Variants in DNAH7 observed in about 807,000 individuals in gnomAD.
The protein encoded by DNAH7 is dynein axonemal heavy chain 7.
DNAH7 carries 397 observed loss-of-function variants against 444.6 expected under a neutral mutation model. The observed-to-expected ratio is 0.89, with a 90% CI of 0.82 to 0.97. The LOEUF is 0.97. Among genes scored for constraint, DNAH7 ranks in the 50% least tolerant of loss-of-function variants. DNAH7 has a pLI of 0.00. For missense variants in DNAH7, 4,902 were observed against 4,800.8 expected, an observed-to-expected ratio of 1.02 and a Z score of -0.62; for synonymous variants, 1,636 against 1,624.4, an observed-to-expected ratio of 1.01 and a Z score of -0.17.
rs763352877 is a variant in DNAH7, at chr2:195,936,649, C to CA, written c.3221dup (p.Leu1074PhefsTer4). ...GTATCTCAAGAAGTTCATCATTGGA[C>CA]AAAAAAAAGAATCTGGGGAAAAAGA... On this transcript the variant is annotated frameshift_variant, in exon 20 of 65. Transcript: ENST00000312428. LOFTEE classifies it high-confidence loss of function. 1.2e-5 allele frequency: 19 copies of CA among 1,603,284 alleles called. No homozygotes were observed. Among genetic ancestry groups the CA allele is most frequent in the South Asian group, 7.9e-5 (7 of 88,264 alleles).
rs182503379 is a variant in DNAH7, at chr2:195,829,978, T to A, written c.9100+4228A>T. Among the ~76,000 whole-genome samples, 489 of 152,144 alleles carry A rather than the reference T, an allele frequency of 3.2e-3. 1 individual carries two copies. The highest frequency in any genetic ancestry group is 0.015 in the South Asian group (72 of 4,824). ...TAAAAATTTAAAGCATTTTGAATTT[T>A]AAAAAAAGGAAAAAATGTATAGGTA... On this transcript the variant is annotated intron_variant, in intron 48 of 64. Coordinates refer to ENST00000312428, the MANE Select transcript of DNAH7 (RefSeq NM_018897.3).
chr2:195,874,405 A>G (rs1483488392), intron 38 of DNAH7, among the ~76,000 whole-genome samples: 1 of 152,186 alleles, frequency 6.6e-6, no homozygotes, highest in African/African-American at 2.4e-5. Flanking sequence ...AATGTTCAGA[A>G]TTGTGATATT....
At chr2:195,755,737 C>G (rs1467796126) in intron 62 of DNAH7, among the ~76,000 whole-genome samples, 1 of 152,190 alleles carries the variant, frequency 6.6e-6, no homozygotes, top group Non-Finnish European at 1.5e-5. Context: ...CTCAACATTT[C>G]CAAGACAATT....
At chr2:195,880,407 C>G (rs1374596454) in intron 36 of DNAH7, among the ~76,000 whole-genome samples, 2 of 150,912 alleles carry the variant, frequency 1.3e-5, no homozygotes, top group African/African-American at 4.9e-5. Context: ...CGGCTCACTG[C>G]AAGCTCCACC....
At chr2:195,873,502 T>C (rs1026961730) in intron 39 of DNAH7, 66 bp downstream of exon 39, 1 of 1,003,672 alleles carries the variant, frequency 1.0e-6, no homozygotes, top group Non-Finnish European at 1.4e-6. Flanking sequence ...CGCTACTTAA[T>C]ATTGATATGT....
intron 49 of DNAH7, among the ~76,000 whole-genome samples, chr2:195,819,404 T>G (rs552067543): frequency 5.9e-5 from 9 of 152,342 alleles, no homozygotes; most frequent in Admixed American, 3.3e-4. Flanking sequence ...TACAAACTTA[T>G]TGAATGAACA....
intron 5 of DNAH7, among the ~76,000 whole-genome samples, chr2:196,045,183 AGAG>A (rs1697029749): frequency 1.4e-5 from 2 of 146,002 alleles, no homozygotes; most frequent in African/African-American, 2.6e-5. Context: ...GAGGAAGAGA[AGAG>A]GAGAAGGAGG....
chr2:195,781,976 T>TACACACACACACAC lies in DNAH7; in HGVS notation c.10879-4005_10879-3992dup, dbSNP rs59244207. On this transcript the variant is annotated intron_variant, in intron 58 of 64. Coordinates refer to ENST00000312428, the MANE Select transcript of DNAH7 (RefSeq NM_018897.3). ...AATGAGGGGTGAGAGGTGGGTCTTA[T>TACACACACACACAC]ACACACACACACACACACACACACA... Among the ~76,000 whole-genome samples the TACACACACACACAC allele has an allele frequency of 3.6e-3, 465 of 129,820 alleles. 1 individual carries two copies. The highest frequency in any genetic ancestry group is 4.8e-3 in the South Asian group (18 of 3,748). The allele number at this position is 129,820 out of a possible 152,430, so 85.2% of individuals were successfully genotyped here. A position where few individuals can be genotyped will look rare whatever the true frequency, so the allele number is the denominator to read the frequency against.
intron 48 of DNAH7, among the ~76,000 whole-genome samples, chr2:195,831,895 T>C (rs1190021563): frequency 6.6e-6 from 1 of 152,174 alleles, no homozygotes; most frequent in Non-Finnish European, 1.5e-5. Flanking sequence ...GTTAACTACC[T>C]TGGTTAAGCC....
intron 61 of DNAH7, among the ~76,000 whole-genome samples, chr2:195,757,458 T>C (rs1694133983): frequency 6.6e-6 from 1 of 152,224 alleles, no homozygotes; most frequent in Non-Finnish European, 1.5e-5. Flanking sequence ...CTATTATTCA[T>C]TTCTGTCTTT....
In DNAH7 at chr2:196,061,300, C is replaced by T. The variant is rs576075119; in HGVS notation, c.16-3184G>A. On this transcript the variant is annotated intron_variant, in intron 1 of 64. Transcript: ENST00000312428. ...CCAGCCCAAATATTTTAAATATTACCCCATATACTGGAATCTCCCAAATTT... is the reference window on the plus strand; with the variant it reads ...CCAGCCCAAATATTTTAAATATTACTCCATATACTGGAATCTCCCAAATTT... Among the ~76,000 whole-genome samples the T allele has an allele frequency of 5.3e-5, 8 of 152,142 alleles. No individual in the cohort carries two copies. The East Asian group carries it at 1.4e-3, about 26-fold the overall frequency.
chr2:195,954,997 T>G (rs913988089), intron 19 of DNAH7, among the ~76,000 whole-genome samples: 6 of 152,240 alleles, frequency 3.9e-5, no homozygotes, highest in African/African-American at 1.4e-4. Context: ...TGATGGTAGT[T>G]TCTTTTGCCG....
At chr2:196,020,355 T>C (rs1401133932) in intron 8 of DNAH7, among the ~76,000 whole-genome samples, 1 of 152,144 alleles carries the variant, frequency 6.6e-6, no homozygotes, top group Non-Finnish European at 1.5e-5. Context: ...TCTGTAACTC[T>C]TATGACTTTA....
intron 63 of DNAH7, 168 bp from the exon 64 acceptor site, chr2:195,741,037 C>CA (rs1692998385): frequency 9.4e-6 from 3 of 318,040 alleles, no homozygotes. Flanking sequence ...ATCCATATTT[C>CA]AAGAACATTG....
chr2:195,931,183 T>C (rs1688668541), intron 21 of DNAH7, among the ~76,000 whole-genome samples: 1 of 152,174 alleles, frequency 6.6e-6, no homozygotes, highest in Admixed American at 6.5e-5. Context: ...AATCTAAAAG[T>C]TGATATTTAA....
At chr2:195,778,363 C>A (rs1695167083) in intron 58 of DNAH7, among the ~76,000 whole-genome samples, 1 of 151,272 alleles carries the variant, frequency 6.6e-6, no homozygotes, top group African/African-American at 2.4e-5. Flanking sequence ...GAGGGCCGGG[C>A]ATGGTGGCTC....
intron 15 of DNAH7, among the ~76,000 whole-genome samples, chr2:195,981,272 G>A (rs1692553817): frequency 6.6e-6 from 1 of 151,716 alleles, no homozygotes; most frequent in Admixed American, 6.6e-5. Flanking sequence ...AAATACCTAG[G>A]ATTAACCAAA....
At chr2:195,768,944 A>G (rs926751392) in intron 61 of DNAH7, among the ~76,000 whole-genome samples, 4 of 152,210 alleles carry the variant, frequency 2.6e-5, no homozygotes, top group Non-Finnish European at 5.9e-5. Context: ...TTAGCATTAT[A>G]CCAGAGAATG....
intron 25 of DNAH7, among the ~76,000 whole-genome samples, chr2:195,907,653 CTGTA>C (rs1687113473): frequency 6.6e-6 from 1 of 152,126 alleles, no homozygotes; most frequent in African/African-American, 2.4e-5. Context: ...ATCGAGTACA[CTGTA>C]TGTGCCAACC....
Sources: gnomAD v4.1 joint callset for allele counts (sites outside exome capture counted in the v4.1 genomes callset) on GRCh38, gnomAD v4.1.1 for gene constraint, MANE v1.5 for transcripts, NCBI Gene and HGNC (gene_info 2026-07-23, HGNC 2026-07-21) for gene names.